Variants in PTPRT observed in about 807,000 individuals in gnomAD.
The protein encoded by PTPRT is receptor-type tyrosine-protein phosphatase T.
PTPRT carries 56 observed loss-of-function variants against 176.8 expected under a neutral mutation model. The observed-to-expected ratio is 0.32, with a 90% CI of 0.26 to 0.40. PTPRT has a LOEUF of 0.40. Among genes scored for constraint, PTPRT ranks in the 10% least tolerant of loss-of-function variants. The pLI is 1.00. For synonymous variants in PTPRT, 783 were observed against 739.0 expected, an observed-to-expected ratio of 1.06 and a Z score of -0.96; for missense variants, 1,540 against 1,908.2, an observed-to-expected ratio of 0.81 and a Z score of 3.60.
chr20:42,649,324 C>T (rs537220363), intron 7 of PTPRT, among the ~76,000 whole-genome samples: 3 of 152,050 alleles, frequency 2.0e-5, no homozygotes, highest in Non-Finnish European at 2.9e-5. Flanking sequence ...GAAAGACCTG[C>T]CCCCACGATT....
At chr20:42,233,462 G>T (rs1055853355) in intron 15 of PTPRT, among the ~76,000 whole-genome samples, 5 of 133,832 alleles carry the variant, frequency 3.7e-5, no homozygotes, top group African/African-American at 1.2e-4. Flanking sequence ...AGGGATAATG[G>T]TACCTACCAG....
intron 1 of PTPRT, among the ~76,000 whole-genome samples, chr20:42,978,788 G>A (rs561536468): frequency 2.6e-5 from 4 of 152,178 alleles, no homozygotes; most frequent in East Asian, 1.9e-4. Context: ...GACAGTTTAC[G>A]AATGCCATGG....
At position 42,702,864 on chromosome 20, in the gene PTPRT, A is replaced by G. The variant is rs186653456; in HGVS notation, c.860-24705T>C. Among the ~76,000 whole-genome samples, 291 of 152,310 alleles carry G rather than the reference A, an allele frequency of 1.9e-3. 1 individual carries two copies. Among genetic ancestry groups the G allele is most frequent in the Admixed American group, 4.3e-3 (65 of 15,286 alleles). Reference sequence around the variant, plus strand: ...ACTTCCCTGAGCATCCCTGAGGAGAACATCTCTTAGTTTTGTTTTTGCCTC... The same window carrying G: ...ACTTCCCTGAGCATCCCTGAGGAGAGCATCTCTTAGTTTTGTTTTTGCCTC... On this transcript the variant is annotated intron_variant, in intron 6 of 30. Coordinates refer to ENST00000373187, the MANE Select transcript of PTPRT (RefSeq NM_007050.6).
intron 7 of PTPRT, among the ~76,000 whole-genome samples, chr20:42,672,855 A>C (rs1401623145): frequency 6.6e-6 from 1 of 152,220 alleles, no homozygotes; most frequent in Non-Finnish European, 1.5e-5. Context: ...CCTCTCTAGC[A>C]TCTTCTTGTG....
intron 6 of PTPRT, among the ~76,000 whole-genome samples, chr20:42,721,806 C>T (rs552828469): frequency 6.6e-6 from 1 of 152,336 alleles, no homozygotes; most frequent in East Asian, 1.9e-4. Context: ...CCTCCATCTC[C>T]TAATTGCACA....
chr20:42,280,964 A>G (rs1192258261), intron 13 of PTPRT, among the ~76,000 whole-genome samples: 1 of 151,980 alleles, frequency 6.6e-6, no homozygotes, highest in Non-Finnish European at 1.5e-5. Context: ...ATGGAGTGCA[A>G]ATCCATTGCA....
intron 18 of PTPRT, among the ~76,000 whole-genome samples, chr20:42,137,945 C>A (rs1280964791): frequency 6.6e-6 from 1 of 152,204 alleles, no homozygotes; most frequent in Non-Finnish European, 1.5e-5. Context: ...GTGCTGATAT[C>A]CTGTGTGCCC....
chr20:42,107,254 C>T (rs2067084), intron 23 of PTPRT, among the ~76,000 whole-genome samples: 36,621 of 151,930 alleles, frequency 0.24, 4,582 homozygotes, highest in African/African-American at 0.27. Context: ...AATGGGTTGA[C>T]GGATGGAAGC....
At chr20:42,995,097 AG>A (rs1398105477) in intron 1 of PTPRT, among the ~76,000 whole-genome samples, 1 of 152,230 alleles carries the variant, frequency 6.6e-6, no homozygotes, top group African/African-American at 2.4e-5. Flanking sequence ...CTAAGATGAA[AG>A]GACATTGGCT....
intron 3 of PTPRT, among the ~76,000 whole-genome samples, chr20:42,784,143 C>T (rs1256784247): frequency 6.6e-6 from 1 of 152,182 alleles, no homozygotes; most frequent in Admixed American, 6.5e-5. Flanking sequence ...CTGTGCATGA[C>T]TACTTGTGCA....
intron 5 of PTPRT, among the ~76,000 whole-genome samples, chr20:42,768,131 T>C (rs2145448295): frequency 6.6e-6 from 1 of 152,034 alleles, no homozygotes; most frequent in East Asian, 1.9e-4. Context: ...TGGCACGATA[T>C]AAACTGTGTA....
At chr20:43,004,146 AC>A (rs1477859329) in intron 1 of PTPRT, among the ~76,000 whole-genome samples, 3 of 150,856 alleles carry the variant, frequency 2.0e-5, no homozygotes, top group East Asian at 1.9e-4. Flanking sequence ...ATTGCAAAAA[AC>A]GTTTTAAATC....
rs1411586496 is a variant in PTPRT at position 42,362,538 on chromosome 20, G to T, written c.1561-10253C>A. Among the ~76,000 whole-genome samples, 5 of 152,124 alleles carry T rather than the reference G, an allele frequency of 3.3e-5. No homozygotes were observed. The East Asian group carries it at 9.6e-4, about 29-fold the overall frequency. ...GCTGAGGAGATGTCCCAGACTGGAG[G>T]AGACTAAGGAAAAAATGACAAGTAA... On this transcript the variant is annotated intron_variant, in intron 9 of 30. Coordinates refer to ENST00000373187, the MANE Select transcript of PTPRT (RefSeq NM_007050.6).
At position 42,076,505 on chromosome 20, in the gene PTPRT, G is replaced by A. The variant is rs946458962; in HGVS notation, c.*4374C>T. ...GGTTCCTTCCAGCACCCAACTGGAAGATGCCTTAGTTGAGGTCCCCTCATG... is the reference window on the plus strand; with the variant it reads ...GGTTCCTTCCAGCACCCAACTGGAAAATGCCTTAGTTGAGGTCCCCTCATG... On this transcript the variant is annotated 3_prime_UTR_variant, in exon 31 of 31. Coordinates refer to ENST00000373187, the MANE Select transcript of PTPRT (RefSeq NM_007050.6). The A allele has an allele frequency of 4.8e-6, 1 of 206,900 alleles. No individual in the cohort carries two copies. Among genetic ancestry groups the A allele is most frequent in the Non-Finnish European group, 9.9e-6 (1 of 101,382 alleles). 12.8% of individuals were successfully genotyped at this position (206,900 alleles called of 1,614,324 possible). A position where few individuals can be genotyped will look rare whatever the true frequency, so the allele number is the denominator to read the frequency against.
rs868003505 is a variant in PTPRT at position 42,076,978 on chromosome 20, A to G, written c.*3901T>C. The stretch of plus-strand genomic sequence containing the variant: ...GTGGAAAAATATTGTCTCTGTAGTG[A>G]GAAAAAACCGGTTTAAATCCTGGTT... On this transcript the variant is annotated 3_prime_UTR_variant, in exon 31 of 31. Coordinates refer to ENST00000373187, the MANE Select transcript of PTPRT (RefSeq NM_007050.6). 1 of 193,456 alleles carries G rather than the reference A, an allele frequency of 5.2e-6. No individual in the cohort carries two copies. The allele number at this position is 193,456 out of a possible 1,614,324, so 12.0% of individuals were successfully genotyped here.
At chr20:42,575,502 T>G (rs1284994314) in intron 7 of PTPRT, among the ~76,000 whole-genome samples, 1 of 152,186 alleles carries the variant, frequency 6.6e-6, no homozygotes, top group Non-Finnish European at 1.5e-5. Flanking sequence ...ACAATCTAGG[T>G]GGCAACCTCA....
intron 1 of PTPRT, among the ~76,000 whole-genome samples, chr20:42,921,462 G>A (rs1979139214): frequency 1.3e-5 from 2 of 152,310 alleles, no homozygotes; most frequent in East Asian, 1.9e-4. Context: ...GCATCCACCT[G>A]TAGTCCTAGC....
At chr20:42,832,750 G>T in intron 2 of PTPRT, among the ~76,000 whole-genome samples, 1 of 96,224 alleles carries the variant, frequency 1.0e-5, no homozygotes, top group South Asian at 3.6e-4. Context: ...AAAAAAACAA[G>T]AAAATTGAGT....
intron 7 of PTPRT, among the ~76,000 whole-genome samples, chr20:42,667,300 T>G (rs2075333439): frequency 6.6e-6 from 1 of 152,118 alleles, no homozygotes; most frequent in Admixed American, 6.5e-5. Flanking sequence ...GTCACCTACC[T>G]CCTAGACAGT....
Sources: gnomAD v4.1 joint callset for allele counts (sites outside exome capture counted in the v4.1 genomes callset) on GRCh38, gnomAD v4.1.1 for gene constraint, MANE v1.5 for transcripts, NCBI Gene and HGNC (gene_info 2026-07-23, HGNC 2026-07-21) for gene names.